The following PTPRD variants were observed in gnomAD, a reference collection of about 807,000 sequenced individuals.
The protein encoded by PTPRD is receptor-type tyrosine-protein phosphatase delta.
PTPRD carries 34 observed loss-of-function variants against 214.5 expected under a neutral mutation model. The observed-to-expected ratio is 0.16, with a 90% confidence interval of 0.12 to 0.21. The LOEUF is 0.21. Ranked by LOEUF, PTPRD falls within the 10% of genes least tolerant of loss-of-function variation. PTPRD has a pLI of 1.00. For missense variants in PTPRD, 2,545 were observed against 2,398.7 expected, an observed-to-expected ratio of 1.06 and a Z score of -1.27; for synonymous variants, 1,128 against 845.7, an observed-to-expected ratio of 1.33 and a Z score of -5.79.
At chr9:9,946,236 C>T (rs983880701) in intron 4 of PTPRD, among the ~76,000 whole-genome samples, 7 of 152,104 alleles carry the variant, frequency 4.6e-5, no homozygotes, top group African/African-American at 1.4e-4. Context: ...TGCTCATTCT[C>T]AGCACTTGGC....
chr9:9,139,394 C>T (rs1342188567), intron 10 of PTPRD, among the ~76,000 whole-genome samples: 3 of 152,136 alleles, frequency 2.0e-5, no homozygotes, highest in African/African-American at 7.2e-5. Flanking sequence ...CTATGTATGA[C>T]ATTAACTGAA....
At chr9:9,276,105 C>A (rs992980000) in intron 9 of PTPRD, among the ~76,000 whole-genome samples, 1 of 151,308 alleles carries the variant, frequency 6.6e-6, no homozygotes, top group African/African-American at 2.4e-5. Flanking sequence ...CCCCAGCTAA[C>A]ATTTCAAGCC....
At chr9:9,572,093 C>G (rs1266803610) in intron 8 of PTPRD, among the ~76,000 whole-genome samples, 3 of 151,210 alleles carry the variant, frequency 2.0e-5, no homozygotes, top group Non-Finnish European at 4.5e-5. Context: ...AAATTAAGAA[C>G]TTCTGTTCAT....
chr9:8,338,040 C>G (rs537555552), intron 43 of PTPRD, among the ~76,000 whole-genome samples: 4 of 152,032 alleles, frequency 2.6e-5, no homozygotes, highest in Non-Finnish European at 5.9e-5. Context: ...CACTTAAGGT[C>G]AACAGCCAGG....
At chr9:8,564,606 A>G (rs924105489) in intron 14 of PTPRD, among the ~76,000 whole-genome samples, 3 of 152,184 alleles carry the variant, frequency 2.0e-5, no homozygotes, top group Non-Finnish European at 4.4e-5. Flanking sequence ...GGGCTGAGGC[A>G]GGAGAATTGT....
chr9:8,964,040 A>T (rs529655929), intron 11 of PTPRD, among the ~76,000 whole-genome samples: 1 of 151,926 alleles, frequency 6.6e-6, no homozygotes, highest in Non-Finnish European at 1.5e-5. Context: ...CCAGGTTTTC[A>T]TATCAGGGTG....
intron 7 of PTPRD, among the ~76,000 whole-genome samples, chr9:9,704,618 G>T (rs1458062943): frequency 6.6e-6 from 1 of 152,160 alleles, no homozygotes; most frequent in Admixed American, 6.6e-5. Context: ...GAACTTCCAA[G>T]AATATTTCAC....
chr9:8,576,365 T>C (rs2092356938), intron 14 of PTPRD, among the ~76,000 whole-genome samples: 1 of 152,166 alleles, frequency 6.6e-6, no homozygotes, highest in Admixed American at 6.5e-5. Flanking sequence ...AGACTCTTAC[T>C]GATATTTGTG....
intron 10 of PTPRD, among the ~76,000 whole-genome samples, chr9:9,046,546 T>C (rs1156652552): frequency 6.6e-6 from 1 of 152,190 alleles, no homozygotes; most frequent in Non-Finnish European, 1.5e-5. Context: ...GTTACTAACG[T>C]CTTCCTATTC....
Position 8,848,673 on chromosome 9 carries a change from G to C in PTPRD, c.-103-114727C>G, listed in dbSNP as rs1024348462. On this transcript the variant is annotated intron_variant, in intron 11 of 45. Transcript: ENST00000381196. Reference sequence around the variant, plus strand: ...TTGGGCGTACTTGCCTGGACGATGTGAGATAAATATTTTTTTTAAAATCAT... The same window carrying C: ...TTGGGCGTACTTGCCTGGACGATGTCAGATAAATATTTTTTTTAAAATCAT... Among the ~76,000 whole-genome samples, 3 of 151,990 alleles carry C rather than the reference G, an allele frequency of 2.0e-5. No individual in the cohort carries two copies. In the East Asian group the frequency reaches 5.8e-4, roughly 30 times the overall value.
intron 6 of PTPRD, among the ~76,000 whole-genome samples, chr9:9,764,643 G>C (rs2098691516): frequency 6.6e-6 from 1 of 152,056 alleles, no homozygotes; most frequent in East Asian, 1.9e-4. Flanking sequence ...TTACATAACA[G>C]ATATAAGAAA....
chr9:10,477,138 T>C lies in PTPRD; in HGVS notation c.-600+135260A>G, dbSNP rs190090547. On this transcript the variant is annotated intron_variant, in intron 2 of 45. Transcript: ENST00000381196. ...TAAGCCAAAACTGACAAATGGAATC[T>C]AGTTAAACTAAAGAGCTTCTGCACA... is the stretch of plus-strand genomic sequence containing the variant. Among the ~76,000 whole-genome samples, 465 of 152,268 alleles carry C rather than the reference T, an allele frequency of 3.1e-3. 6 individuals carry two copies. Among genetic ancestry groups the C allele is most frequent in the African/African-American group, 0.01 (421 of 41,556 alleles).
chr9:9,760,217 C>T (rs1048244075), intron 6 of PTPRD, among the ~76,000 whole-genome samples: 1 of 152,236 alleles, frequency 6.6e-6, no homozygotes, highest in Admixed American at 6.5e-5. Context: ...ATCAAAAATA[C>T]ATCTACTTTT....
At chr9:10,105,678 CA>C (rs1269119146) in intron 3 of PTPRD, among the ~76,000 whole-genome samples, 1 of 151,694 alleles carries the variant, frequency 6.6e-6, no homozygotes, top group African/African-American at 2.4e-5. Context: ...TTTTTAATAC[CA>C]AAAGATGTCT....
At chr9:9,764,083 C>A (rs970284125) in intron 6 of PTPRD, among the ~76,000 whole-genome samples, 4 of 152,126 alleles carry the variant, frequency 2.6e-5, no homozygotes, top group Non-Finnish European at 5.9e-5. Flanking sequence ...ATTTACATGT[C>A]TCTTCCCATC....
At chr9:9,146,202 T>C (rs1368983004) in intron 10 of PTPRD, among the ~76,000 whole-genome samples, 12 of 152,208 alleles carry the variant, frequency 7.9e-5, no homozygotes, top group Admixed American at 7.9e-4. Context: ...AGATTGTTTA[T>C]TCGTTAGTAC....
intron 7 of PTPRD, among the ~76,000 whole-genome samples, chr9:9,654,308 C>G (rs1234934226): frequency 6.6e-6 from 1 of 152,062 alleles, no homozygotes; most frequent in Non-Finnish European, 1.5e-5. Context: ...GTAACATACT[C>G]TTCTTATAAA....
chr9:9,059,244 C>T (rs1389689518), intron 10 of PTPRD, among the ~76,000 whole-genome samples: 1 of 152,160 alleles, frequency 6.6e-6, no homozygotes, highest in Non-Finnish European at 1.5e-5. Context: ...GTACAGGTAG[C>T]ACAGGGCTGG....
At chr9:9,812,490 T>G (rs2047445995) in intron 5 of PTPRD, among the ~76,000 whole-genome samples, 1 of 152,138 alleles carries the variant, frequency 6.6e-6, no homozygotes, top group African/African-American at 2.4e-5. Flanking sequence ...AAAAAGATAT[T>G]CCATGGAAAT....
Sources: allele counts gnomAD v4.1 joint callset (sites outside exome capture counted in the v4.1 genomes callset), GRCh38; gene constraint gnomAD v4.1.1; transcripts MANE v1.5; gene names NCBI Gene and HGNC (gene_info 2026-07-23, HGNC 2026-07-21).